The following HTR2C variants were observed in gnomAD, a reference collection of about 807,000 sequenced individuals.
HTR2C encodes the protein 5-hydroxytryptamine receptor 2C, also known as 5-hydroxytryptamine (serotonin) receptor 2C, G protein-coupled.
In HTR2C, 5 loss-of-function variants were observed where a neutral mutation model predicts 21.0. The observed-to-expected ratio is 0.24, with a 90% CI of 0.12 to 0.50. The LOEUF is 0.50. Ranked by LOEUF, HTR2C falls within the 20% of genes least tolerant of loss-of-function variation. HTR2C has a pLI of 0.98. For synonymous variants in HTR2C, 150 were observed against 145.3 expected, an observed-to-expected ratio of 1.03 and a Z score of -0.23; for missense variants, 271 against 371.2, an observed-to-expected ratio of 0.73 and a Z score of 2.22.
At chrX:114,616,363 T>G (rs1355423339) in intron 2 of HTR2C, among the ~76,000 whole-genome samples, 2 of 110,473 alleles carry the variant, frequency 1.8e-5, no homozygotes, top group African/African-American at 6.6e-5. Flanking sequence ...CTTGACTCAC[T>G]GCAACCTCTG....
At chrX:114,604,347 G>A (rs1928293296) in intron 1 of HTR2C, among the ~76,000 whole-genome samples, 1 of 110,455 alleles carries the variant, frequency 9.1e-6, no homozygotes, top group Non-Finnish European at 1.9e-5. Flanking sequence ...TGGCACCAGA[G>A]TTGGGGAGTT....
chrX:114,797,353 C>A (rs782144712), intron 4 of HTR2C, among the ~76,000 whole-genome samples: 2 of 111,383 alleles, frequency 1.8e-5, no homozygotes, highest in Non-Finnish European at 3.8e-5. Flanking sequence ...TAGAGACATT[C>A]TTTCTGCCAA....
At chrX:114,875,367 A>G (rs1209236587) in intron 5 of HTR2C, among the ~76,000 whole-genome samples, 1 of 111,379 alleles carries the variant, frequency 9.0e-6, no homozygotes, top group Non-Finnish European at 1.9e-5. Flanking sequence ...TTGCCTTTTA[A>G]TTTTGTTGAT....
chrX:114,805,545 G>GTATA lies in HTR2C; in HGVS notation c.350-42451_350-42448dup, dbSNP rs112063548. Reference sequence around the variant, plus strand: ...GCACCATATATATATGGTATATGGTGTATATATATACACACCATATAGATA... The same window carrying GTATA: ...GCACCATATATATATGGTATATGGTGTATATATATATATACACACCATATAGATA... On this transcript the variant is annotated intron_variant, in intron 4 of 5. Transcript: ENST00000276198. 4.0e-4 allele frequency among the ~76,000 whole-genome samples: 8 copies of GTATA among 19,850 alleles called. 1 individual carries two copies. In the South Asian group the frequency reaches 0.016, roughly 39 times the overall value. 17.2% of individuals were successfully genotyped at this position (19,850 alleles called of 115,157 possible). A position where few individuals can be genotyped will look rare whatever the true frequency, so the allele number is the denominator to read the frequency against.
At chrX:114,588,661 G>A (rs782636594) in intron 1 of HTR2C, among the ~76,000 whole-genome samples, 9 of 111,595 alleles carry the variant, frequency 8.1e-5, no homozygotes, top group South Asian at 3.7e-4. Flanking sequence ...ATCAGTAAAC[G>A]CTTACGAATA....
intron 4 of HTR2C, among the ~76,000 whole-genome samples, chrX:114,829,290 C>A (rs1927097325): frequency 9.0e-6 from 1 of 111,184 alleles, no homozygotes; most frequent in Non-Finnish European, 1.9e-5. Context: ...TGGTGGTTTT[C>A]ATTTATATTT....
chrX:114,693,522 T>A (rs1932171142), intron 2 of HTR2C, among the ~76,000 whole-genome samples: 2 of 111,990 alleles, frequency 1.8e-5, no homozygotes, highest in Admixed American at 1.9e-4. Context: ...TTTCTCATCC[T>A]TGGCACTATT....
intron 1 of HTR2C, among the ~76,000 whole-genome samples, chrX:114,603,323 T>G (rs1355269669): frequency 5.5e-5 from 6 of 109,648 alleles, no homozygotes; most frequent in African/African-American, 2.0e-4. Context: ...TAGAGAGAGA[T>G]TTGACATAGT....
chrX:114,793,739 A>G (rs1337370639), intron 4 of HTR2C, among the ~76,000 whole-genome samples: 1 of 109,444 alleles, frequency 9.1e-6, no homozygotes, highest in Non-Finnish European at 1.9e-5. Flanking sequence ...TTTTTTATTT[A>G]TTCATCCATC....
chrX:114,782,997 ATAT>A (rs2070135484), intron 4 of HTR2C, among the ~76,000 whole-genome samples: 1 of 111,089 alleles, frequency 9.0e-6, no homozygotes, highest in African/African-American at 3.3e-5. Context: ...AAAAGGATTA[ATAT>A]AAAAAGGGTA....
intron 5 of HTR2C, among the ~76,000 whole-genome samples, chrX:114,897,128 A>T (rs974104634): frequency 8.9e-6 from 1 of 111,975 alleles, no homozygotes; most frequent in South Asian, 3.7e-4. Flanking sequence ...ACATGTAAGA[A>T]ACTTAAAATG....
intron 3 of HTR2C, among the ~76,000 whole-genome samples, chrX:114,729,964 C>A (rs2069520255): frequency 8.9e-6 from 1 of 111,828 alleles, no homozygotes; most frequent in African/African-American, 3.2e-5. Flanking sequence ...CAAGGTTGAA[C>A]AACCACTACA....
At chrX:114,767,277 G>GAA (rs2069956211) in intron 4 of HTR2C, among the ~76,000 whole-genome samples, 1 of 110,681 alleles carries the variant, frequency 9.0e-6, no homozygotes, top group Non-Finnish European at 1.9e-5. Context: ...GAGTATACAT[G>GAA]GGATAATTAG....
intron 4 of HTR2C, among the ~76,000 whole-genome samples, chrX:114,742,681 C>A (rs1332896862): frequency 1.9e-5 from 2 of 106,672 alleles, no homozygotes; most frequent in Non-Finnish European, 3.9e-5. Flanking sequence ...GATGTTGCAA[C>A]TGTCAGCCAA....
intron 2 of HTR2C, among the ~76,000 whole-genome samples, chrX:114,631,877 C>T (rs781894842): frequency 7.5e-4 from 84 of 111,727 alleles, no homozygotes; most frequent in African/African-American, 2.5e-3. Flanking sequence ...CATAATTTGA[C>T]GATGATCAAT....
chrX:114,738,431 A>G (rs1201041936), intron 4 of HTR2C, among the ~76,000 whole-genome samples: 5 of 111,836 alleles, frequency 4.5e-5, no homozygotes, highest in Non-Finnish European at 5.6e-5. Context: ...GAAAACTGAA[A>G]TAAAAAAGAA....
intron 4 of HTR2C, among the ~76,000 whole-genome samples, chrX:114,781,340 A>T (rs1343642350): frequency 9.0e-6 from 1 of 110,698 alleles, no homozygotes; most frequent in African/African-American, 3.3e-5. Context: ...ATTAAAAAAT[A>T]AAAAAATTAG....
intron 2 of HTR2C, among the ~76,000 whole-genome samples, chrX:114,660,524 G>C (rs1366734228): frequency 8.9e-6 from 1 of 112,174 alleles, no homozygotes; most frequent in African/African-American, 3.2e-5. Context: ...GCGTTTACAC[G>C]ATTATCTCTA....
chrX:114,643,169 T>C (rs1195615287), intron 2 of HTR2C, among the ~76,000 whole-genome samples: 1 of 111,267 alleles, frequency 9.0e-6, no homozygotes, highest in African/African-American at 3.3e-5. Flanking sequence ...AGTTCCTAGA[T>C]AAATGAGTCT....
Sources: allele counts gnomAD v4.1 joint callset (sites outside exome capture counted in the v4.1 genomes callset), GRCh38; gene constraint gnomAD v4.1.1; transcripts MANE v1.5; gene names NCBI Gene and HGNC (gene_info 2026-07-23, HGNC 2026-07-21).